Variants in FMNL2 observed in about 807,000 individuals in gnomAD.
The protein encoded by FMNL2 is formin-like protein 2.
Under a neutral mutation model 130.2 loss-of-function variants are expected in FMNL2, and 51 were observed. The ratio of observed to expected loss-of-function variants is 0.39; its 90% CI spans 0.31 to 0.49. FMNL2 has a LOEUF of 0.49. Ranked by LOEUF, FMNL2 falls within the 20% of genes least tolerant of loss-of-function variation. The pLI, the probability that FMNL2 is intolerant of heterozygous loss-of-function variation, is 0.85. For missense variants in FMNL2, 977 were observed against 1,316.2 expected (o/e 0.74, Z 3.99); for synonymous variants, 465 against 467.1 (o/e 1.00, Z 0.06).
At chr2:152,622,211 G>A (rs980774362) in intron 15 of FMNL2, among the ~76,000 whole-genome samples, 4 of 152,258 alleles carry the variant, frequency 2.6e-5, no homozygotes, top group Admixed American at 1.3e-4. Context: ...CTCACAATGC[G>A]AATTTGGACT....
chr2:152,543,729 C>CGA (rs1694450562), intron 3 of FMNL2, among the ~76,000 whole-genome samples: 1 of 61,396 alleles, frequency 1.6e-5, no homozygotes, highest in African/African-American at 6.8e-5. Flanking sequence ...ACCCCCCGAC[C>CGA]AAAAAAAAAA....
intron 10 of FMNL2, among the ~76,000 whole-genome samples, chr2:152,608,462 C>G (rs1559004751): frequency 6.8e-6 from 1 of 147,876 alleles, no homozygotes; most frequent in Non-Finnish European, 1.5e-5. Context: ...AGATGAAATC[C>G]TTTATAGAGA....
intron 1 of FMNL2, among the ~76,000 whole-genome samples, chr2:152,439,079 T>TTGTGTGTGTGTGTGTGTGTGTGTG (rs10539703): frequency 6.9e-6 from 1 of 144,478 alleles, no homozygotes; most frequent in African/African-American, 2.6e-5. Context: ...TTCAGTTTAA[T>TTGTGTGTGTGTGTGTGTGTGTGTG]TGTGTGTGTG....
intron 9 of FMNL2, among the ~76,000 whole-genome samples, chr2:152,604,219 TG>T (rs1309660178): frequency 6.6e-6 from 1 of 150,986 alleles, no homozygotes; most frequent in Non-Finnish European, 1.5e-5. Flanking sequence ...CTGGGCTATG[TG>T]GGAGAAGGAA....
At chr2:152,524,017 G>A (rs1693249751) in intron 2 of FMNL2, among the ~76,000 whole-genome samples, 1 of 152,120 alleles carries the variant, frequency 6.6e-6, no homozygotes, top group Non-Finnish European at 1.5e-5. Flanking sequence ...GAAGTTTGCT[G>A]TTTCCATATC....
intron 1 of FMNL2, among the ~76,000 whole-genome samples, chr2:152,439,208 A>G (rs1687930648): frequency 6.6e-6 from 1 of 152,164 alleles, no homozygotes; most frequent in East Asian, 1.9e-4. Flanking sequence ...GAAAATAATT[A>G]TGTCATATAT....
intron 1 of FMNL2, among the ~76,000 whole-genome samples, chr2:152,464,645 G>A (rs1689427744): frequency 6.6e-6 from 1 of 152,216 alleles, no homozygotes; most frequent in Admixed American, 6.5e-5. Context: ...AGACTAGATT[G>A]AGTGTAAAAT....
At chr2:152,476,854 C>A (rs1303272828) in intron 1 of FMNL2, among the ~76,000 whole-genome samples, 2 of 152,044 alleles carry the variant, frequency 1.3e-5, no homozygotes, top group Non-Finnish European at 2.9e-5. Flanking sequence ...ATATTAATTT[C>A]TCAGATGTGC....
intron 1 of FMNL2, among the ~76,000 whole-genome samples, chr2:152,457,611 G>T (rs1000540503): frequency 6.6e-6 from 1 of 152,180 alleles, no homozygotes; most frequent in Non-Finnish European, 1.5e-5. Flanking sequence ...TAGCAGAGAA[G>T]TCCTTTGTAA....
intron 1 of FMNL2, among the ~76,000 whole-genome samples, chr2:152,453,089 C>T (rs1688736874): frequency 6.6e-6 from 1 of 151,932 alleles, no homozygotes. Flanking sequence ...GTAACCCCAG[C>T]TACTCGGGAA....
At chr2:152,526,983 A>G (rs997905430) in intron 2 of FMNL2, among the ~76,000 whole-genome samples, 2 of 152,026 alleles carry the variant, frequency 1.3e-5, no homozygotes, top group Non-Finnish European at 2.9e-5. Context: ...AGTTTGCTCA[A>G]ATGATAATCT....
At chr2:152,602,544 T>G (rs191748505) in intron 9 of FMNL2, among the ~76,000 whole-genome samples, 12 of 152,268 alleles carry the variant, frequency 7.9e-5, no homozygotes, top group African/African-American at 2.6e-4. Flanking sequence ...ATAGAGTACA[T>G]GTTATTGATT....
In FMNL2 at chr2:152,617,171, C is replaced by T; in HGVS notation, c.1293C>T (p.Asn431=). 1 of 1,613,950 alleles carries T rather than the reference C, an allele frequency of 6.2e-7. No homozygotes were observed. The highest frequency in any genetic ancestry group is 8.5e-7 in the Non-Finnish European group (1 of 1,179,868). Residue 431 remains asparagine, a synonymous_variant, in exon 13 of 26, where the codon AAC becomes AAT. Transcript: ENST00000288670. ...TGGAAAAGCAACTCATGCAGAGGAA[C>T]AAGGAGCTGGATGTCGTTCGGGTAA... ...VELEKQLMQR[N]KELDVVREIY...
At chr2:152,592,709 G>A (rs1697505586) in intron 9 of FMNL2, among the ~76,000 whole-genome samples, 1 of 152,132 alleles carries the variant, frequency 6.6e-6, no homozygotes, top group African/African-American at 2.4e-5. Context: ...TCTGAGGTAG[G>A]AACATAGAGG....
chr2:152,399,068 T>C (rs1469349506), intron 1 of FMNL2, among the ~76,000 whole-genome samples: 1 of 152,208 alleles, frequency 6.6e-6, no homozygotes, highest in Non-Finnish European at 1.5e-5. Context: ...ACAGCTTCAC[T>C]GGCTTTCTGA....
chr2:152,526,018 A>G (rs1693367082), intron 2 of FMNL2, among the ~76,000 whole-genome samples: 1 of 152,208 alleles, frequency 6.6e-6, no homozygotes, highest in Admixed American at 6.5e-5. Context: ...ATTTAAGCCA[A>G]TTTGCCATTG....
Position 152,451,563 on chromosome 2 carries a change from G to C in FMNL2, c.118-70380G>C, listed in dbSNP as rs561916274. 7.0e-4 allele frequency among the ~76,000 whole-genome samples: 107 copies of C among 152,100 alleles called. 1 individual carries two copies. The Middle Eastern group carries it at 0.014, about 19-fold the overall frequency. ...TTTAATCTGTACCTGATTGACATAG[G>C]TACTAATATCAGCACCGTTTTATGG... On this transcript the variant is annotated intron_variant, in intron 1 of 25. Coordinates refer to ENST00000288670, the MANE Select transcript of FMNL2 (RefSeq NM_052905.4).
intron 1 of FMNL2, among the ~76,000 whole-genome samples, chr2:152,382,876 C>T (rs1054466307): frequency 5.3e-5 from 8 of 151,988 alleles, no homozygotes; most frequent in South Asian, 2.1e-4. Flanking sequence ...CCATCAAAAA[C>T]GGACAACAAA....
chr2:152,546,741 A>G (rs1036478869), intron 3 of FMNL2, among the ~76,000 whole-genome samples: 4 of 151,688 alleles, frequency 2.6e-5, no homozygotes, highest in African/African-American at 9.7e-5. Context: ...AGCAGCCAGC[A>G]TATCTGGAAA....
Sources: allele counts gnomAD v4.1 joint callset (sites outside exome capture counted in the v4.1 genomes callset), GRCh38; gene constraint gnomAD v4.1.1; transcripts MANE v1.5; gene names NCBI Gene and HGNC (gene_info 2026-07-23, HGNC 2026-07-21).